The following RGSL1 variants were observed in gnomAD, a reference collection of about 807,000 sequenced individuals.
RGSL1 encodes regulator of G protein signaling like 1, also known as regulator of G protein signaling protein-like.
In RGSL1, 97 loss-of-function variants were observed where a neutral mutation model predicts 124.7. The observed-to-expected ratio is 0.78, with a 90% CI of 0.66 to 0.92. The LOEUF is 0.92. RGSL1 is among the 40% of genes least tolerant of loss of function. The probability of loss-of-function intolerance (pLI) is 0.00; values close to 1 mark genes in which losing one functional copy is unlikely to be tolerated. For synonymous variants in RGSL1, 424 were observed against 438.1 expected, an observed-to-expected ratio of 0.97 and a Z score of 0.40; for missense variants, 1,233 against 1,288.4, an observed-to-expected ratio of 0.96 and a Z score of 0.66.
chr1:182,478,152 A>T (rs550472961), intron 6 of RGSL1, among the ~76,000 whole-genome samples: 16 of 152,192 alleles, frequency 1.1e-4, no homozygotes, highest in Admixed American at 5.2e-4. Flanking sequence ...GCATGATCAT[A>T]GCTCACTGTA....
chr1:182,554,677 C>G lies in RGSL1; in HGVS notation c.3181C>G (p.Leu1061Val). The change falls in exon 20 of 22, where the codon CTG becomes GTG. Residue 1061 changes from leucine (L) to valine (V), a missense_variant. Transcript: ENST00000294854. ...AAGACTCGTGGTATCTGCCATGCAG[C>G]TGCATCCCGTCCAGGGGTAGGCATG... ...QPRLVVSAMQ[L>V]HPVQGQKLSY... The G allele has an allele frequency of 6.4e-7, 1 of 1,551,706 alleles. No homozygotes were observed.
chr1:182,498,308 T>TGTATATGCCTCCCAGGGTGC (rs1553263969), intron 9 of RGSL1, among the ~76,000 whole-genome samples: 1 of 151,066 alleles, frequency 6.6e-6, no homozygotes, highest in African/African-American at 2.4e-5. Flanking sequence ...CTTGCTTTTT[T>TGTATATGCCTCCCAGGGTGC]GTATATGCCT....
intron 6 of RGSL1, among the ~76,000 whole-genome samples, chr1:182,480,646 G>T (rs267881): frequency 0.078 from 11,912 of 151,906 alleles, 643 homozygotes; most frequent in East Asian, 0.26. Context: ...CTTAGAGACG[G>T]GGTTTCACCA....
intron 8 of RGSL1, 36 bp downstream of exon 8, chr1:182,489,238 A>G (rs922577431): frequency 2.0e-6 from 3 of 1,466,938 alleles, no homozygotes; most frequent in African/African-American, 1.4e-5. Context: ...TGACCTTTAC[A>G]TATGGGCAAC....
chr1:182,501,517 C>T (rs757996318), intron 9 of RGSL1, among the ~76,000 whole-genome samples: 20 of 151,752 alleles, frequency 1.3e-4, no homozygotes, highest in Non-Finnish European at 2.9e-4. Context: ...CGGGGTTTCA[C>T]CATGTTGTCT....
chr1:182,459,982 T>G (rs748045578), intron 3 of RGSL1, 22 bp from the exon 4 acceptor site: 1 of 1,544,690 alleles, frequency 6.5e-7, no homozygotes, highest in South Asian at 1.2e-5. Flanking sequence ...GCATTTTTGT[T>G]TCTATTTTGC....
chr1:182,506,780 T>A (rs1656837859), intron 9 of RGSL1, among the ~76,000 whole-genome samples: 2 of 152,174 alleles, frequency 1.3e-5, no homozygotes, highest in African/African-American at 4.8e-5. Context: ...CTGTAATAGA[T>A]GTACATAGTT....
At chr1:182,465,647 C>G (rs4119582) in intron 4 of RGSL1, among the ~76,000 whole-genome samples, 14,052 of 152,018 alleles carry the variant, frequency 0.092, 729 homozygotes, top group South Asian at 0.18. Context: ...CTATAACTAG[C>G]AAAGAGATTA....
chr1:182,552,990 C>G, intron 18 of RGSL1, among the ~76,000 whole-genome samples: 1 of 152,254 alleles, frequency 6.6e-6, no homozygotes, highest in East Asian at 1.9e-4. Context: ...CCACACCCTC[C>G]GCCTCCTGGG....
chr1:182,460,184 G>T, intron 4 of RGSL1, 51 bp downstream of exon 4: 4 of 1,238,798 alleles, frequency 3.2e-6, no homozygotes, highest in Non-Finnish European at 4.4e-6. Context: ...GTGTGTGTGT[G>T]TAGAAATATA....
Position 182,510,743 on chromosome 1 carries a change from G to A in RGSL1, c.1826-11261G>A, listed in dbSNP as rs553452190. Among the ~76,000 whole-genome samples, 3 of 150,530 alleles carry A rather than the reference G, an allele frequency of 2.0e-5. No individual in the cohort carries two copies. The South Asian group carries it at 6.3e-4, about 32-fold the overall frequency. On this transcript the variant is annotated intron_variant, in intron 9 of 21. Transcript: ENST00000294854. ...ATTTGTATGTTTTCTTTTGAGAAACGTCTATTCAGAGCTTTTGCCCATTTT... is the reference window on the plus strand; with the variant it reads ...ATTTGTATGTTTTCTTTTGAGAAACATCTATTCAGAGCTTTTGCCCATTTT...
chr1:182,542,723 T>C (rs903348728), intron 15 of RGSL1, among the ~76,000 whole-genome samples: 10 of 152,154 alleles, frequency 6.6e-5, no homozygotes, highest in Admixed American at 3.3e-4. Flanking sequence ...ATTGTGTGTG[T>C]CTTCTTCAAT....
chr1:182,477,829 T>C (rs1654413355), intron 6 of RGSL1, among the ~76,000 whole-genome samples: 1 of 152,186 alleles, frequency 6.6e-6, no homozygotes. Context: ...AAAGGCCTTT[T>C]TGTGTGTGGC....
At position 182,488,964 on chromosome 1, in the gene RGSL1, C is replaced by T; in HGVS notation, c.1495-16C>T. On this transcript the variant is annotated splice_polypyrimidine_tract_variant and intron_variant, in intron 7 of 21. Transcript: ENST00000294854. ...CCTGTAACAAATGCCATCTTCCCCT[C>T]ACCCTCTTCTCTTAGACACAGAACA... The T allele has an allele frequency of 6.5e-7, 1 of 1,544,420 alleles. No individual in the cohort carries two copies. The highest frequency in any genetic ancestry group is 2.2e-4 in the Middle Eastern group (1 of 4,646).
At chr1:182,494,477 C>T (rs1414744562) in intron 9 of RGSL1, among the ~76,000 whole-genome samples, 2 of 152,132 alleles carry the variant, frequency 1.3e-5, no homozygotes, top group Non-Finnish European at 2.9e-5. Context: ...AAATTAATTT[C>T]ACCCTTTTCT....
At chr1:182,459,373 A>G (rs930051336) in intron 3 of RGSL1, among the ~76,000 whole-genome samples, 1 of 152,028 alleles carries the variant, frequency 6.6e-6, no homozygotes, top group Non-Finnish European at 1.5e-5. Context: ...CAGACAGACC[A>G]CTCTAAACCC....
chr1:182,545,450 C>T (rs879515057), intron 15 of RGSL1, among the ~76,000 whole-genome samples: 12 of 152,164 alleles, frequency 7.9e-5, no homozygotes, highest in Admixed American at 7.9e-4. Context: ...ACCACAATTA[C>T]TATATTAGAA....
chr1:182,548,339 GC>G lies in RGSL1; in HGVS notation c.2695del (p.His899ThrfsTer14), dbSNP rs1459745952. 8.4e-6 allele frequency: 13 copies of G among 1,551,894 alleles called. No homozygotes were observed. In the South Asian group the frequency reaches 1.4e-4, roughly 17 times the overall value. On this transcript the variant is annotated frameshift_variant, in exon 16 of 22. Transcript: ENST00000294854. LOFTEE classifies it high-confidence loss of function. Reference sequence around the variant, plus strand: ...TAGATTTAATGATCTGGTCAGTTCAGCCCACATGCTGCAGGTCAACCGGGCA... The same window carrying G: ...TAGATTTAATGATCTGGTCAGTTCAGCCACATGCTGCAGGTCAACCGGGCA... ...MEKFNDLVSS[A>X]HMLQVNRAYN...
At chr1:182,485,626 T>A (rs1655042821) in intron 6 of RGSL1, among the ~76,000 whole-genome samples, 1 of 152,178 alleles carries the variant, frequency 6.6e-6, no homozygotes, top group Non-Finnish European at 1.5e-5. Flanking sequence ...ATCCCTTCTC[T>A]CATTGTACAG....
Sources: allele counts gnomAD v4.1 joint callset (sites outside exome capture counted in the v4.1 genomes callset), GRCh38; gene constraint gnomAD v4.1.1; transcripts MANE v1.5; gene names NCBI Gene and HGNC (gene_info 2026-07-23, HGNC 2026-07-21).